HELB: variants seen among roughly 807,000 people sequenced by gnomAD.
HELB encodes DNA helicase B, also known as DNA 5'-3' helicase B.
Under a neutral mutation model 101.7 loss-of-function variants are expected in HELB, and 96 were observed. The ratio of observed to expected loss-of-function variants is 0.94; its 90% CI spans 0.80 to 1.12. The LOEUF (loss-of-function observed/expected upper bound fraction) is 1.12, where lower values mean the gene tolerates loss of function less well. Ranked by LOEUF, HELB falls within the 50% of genes most tolerant of loss-of-function variation. HELB has a pLI of 0.00. For missense variants in HELB, 1,210 were observed against 1,291.9 expected, an observed-to-expected ratio of 0.94 and a Z score of 0.97; for synonymous variants, 437 against 459.7, an observed-to-expected ratio of 0.95 and a Z score of 0.63.
intron 2 of HELB, among the ~76,000 whole-genome samples, chr12:66,305,470 G>A (rs2053463812): frequency 6.6e-6 from 1 of 152,166 alleles, no homozygotes; most frequent in Admixed American, 6.5e-5. Flanking sequence ...GGCCAGGTGT[G>A]GTAGCTGCTC....
At chr12:66,324,498 C>T (rs915641936) in intron 10 of HELB, 17 of 287,686 alleles carry the variant, frequency 5.9e-5, no homozygotes, top group Non-Finnish European at 1.1e-4. Context: ...TTAATAAAAT[C>T]GAAGTACTTG....
chr12:66,334,802 C>A (rs745551225), intron 12 of HELB, among the ~76,000 whole-genome samples: 42 of 147,598 alleles, frequency 2.8e-4, no homozygotes, highest in Non-Finnish European at 4.7e-4. Context: ...TAAATAAATA[C>A]ATACATACAA....
chr12:66,334,110 T>C (rs1343511019), intron 12 of HELB, among the ~76,000 whole-genome samples: 1 of 152,022 alleles, frequency 6.6e-6, no homozygotes, highest in African/African-American at 2.4e-5. Context: ...CAGTAAGCTG[T>C]GATTGCATCA....
intron 11 of HELB, among the ~76,000 whole-genome samples, chr12:66,328,910 A>G (rs1345505867): frequency 1.3e-5 from 2 of 152,190 alleles, no homozygotes; most frequent in South Asian, 2.1e-4. Flanking sequence ...TTTAAGCTGC[A>G]TATATGACTT....
In HELB at chr12:66,313,788, A is replaced by G. The variant is rs201832222; in HGVS notation, c.1681-198A>G. ...GAGGGAAGTGTTGAGATTTTGGAAC[A>G]ATCTGATTTTTTGTTTGTTTGTTTT... On this transcript the variant is annotated intron_variant, in intron 4 of 12. Transcript: ENST00000247815. Among the ~76,000 whole-genome samples, 3 of 152,164 alleles carry G rather than the reference A, an allele frequency of 2.0e-5. No homozygotes were observed. In the East Asian group the frequency reaches 5.8e-4, roughly 29 times the overall value.
intron 12 of HELB, among the ~76,000 whole-genome samples, chr12:66,335,276 A>AG (rs996414579): frequency 6.6e-6 from 1 of 152,194 alleles, no homozygotes; most frequent in African/African-American, 2.4e-5. Context: ...TGCAAGGACT[A>AG]GGTGAGTTAA....
chr12:66,339,345 T>TAGAGACAAGC (rs2053899517), downstream of HELB: 5 of 152,092 alleles, frequency 3.3e-5, no homozygotes, highest in Admixed American at 3.3e-4. Context: ...CTCACTATGT[T>TAGAGACAAGC]TCCCAGGTTG....
intron 8 of HELB, 140 bp from the exon 9 acceptor site, chr12:66,322,584 A>AT: frequency 4.1e-6 from 2 of 487,652 alleles, no homozygotes; most frequent in South Asian, 8.5e-5. Flanking sequence ...AAAAAAAAAG[A>AT]TAAAAAGTAG....
At position 66,331,560 on chromosome 12, in the gene HELB, A is replaced by G; in HGVS notation, c.3077A>G (p.Asp1026Gly). The part of the protein sequence containing the change: ...RWQLSSPDGV[D>G]TDDDLPKSRA... ...CAATTATCTTCACCTGATGGAGTAG[A>G]TACAGATGATGATTTACCAAAATCG... The change falls in exon 12 of 13, where the codon GAT becomes GGT. Residue 1026 changes from aspartate to glycine, a missense_variant. By Grantham distance (94) the Asp-to-Gly change is moderately conservative. Transcript: ENST00000247815. 1 of 1,613,930 alleles carries G rather than the reference A, an allele frequency of 6.2e-7. No homozygotes were observed. Among genetic ancestry groups the G allele is most frequent in the Non-Finnish European group, 8.5e-7 (1 of 1,180,016 alleles).
chr12:66,336,401 A>G (rs1004028431), intron 12 of HELB, among the ~76,000 whole-genome samples: 2 of 152,186 alleles, frequency 1.3e-5, no homozygotes, highest in African/African-American at 2.4e-5. Flanking sequence ...AAAAAGAAAA[A>G]AAAAGGTGGG....
intron 6 of HELB, among the ~76,000 whole-genome samples, chr12:66,317,018 C>CAAAA (rs35841295): frequency 3.7e-5 from 3 of 81,510 alleles, no homozygotes; most frequent in Admixed American, 1.5e-4. Context: ...GACTCCATCT[C>CAAAA]AAAAAAAAAA....
At chr12:66,335,099 G>A (rs2053852477) in intron 12 of HELB, among the ~76,000 whole-genome samples, 1 of 152,148 alleles carries the variant, frequency 6.6e-6, no homozygotes, top group Non-Finnish European at 1.5e-5. Flanking sequence ...AGGAGAACTC[G>A]TTTGGGGAAA....
At chr12:66,314,247 T>C in intron 5 of HELB, 84 bp downstream of exon 5, 2 of 1,208,896 alleles carry the variant, frequency 1.7e-6, no homozygotes, top group South Asian at 2.8e-5. Context: ...AGTTGGTTGT[T>C]TACACCAGAA....
chr12:66,324,634 CACTGAAA>C, intron 10 of HELB: 1 of 287,478 alleles, frequency 3.5e-6, no homozygotes, highest in Non-Finnish European at 6.7e-6. Flanking sequence ...TAGATACCCT[CACTGAAA>C]GCTGTGAGGA....
At position 66,324,212 on chromosome 12, in the gene HELB, G is replaced by A. The variant is rs771352527; in HGVS notation, c.2526+1G>A. On this transcript the variant is annotated splice_donor_variant, in intron 10 of 12. Transcript: ENST00000247815. LOFTEE classifies it high-confidence loss of function. ...TGGAGAGATATTTTTCATAACAAAT[G>A]TAAGTGAAAACAGAAGATAATATCT... 4 of 1,573,628 alleles carry A rather than the reference G, an allele frequency of 2.5e-6. No homozygotes were observed. The highest frequency in any genetic ancestry group is 3.3e-5 in the Admixed American group (2 of 59,864).
intron 5 of HELB, among the ~76,000 whole-genome samples, chr12:66,314,752 T>G (rs769825825): frequency 6.6e-6 from 1 of 152,200 alleles, no homozygotes; most frequent in Non-Finnish European, 1.5e-5. Flanking sequence ...GCCTTCTCTC[T>G]GCTTCCCCCA....
Position 66,331,213 on chromosome 12 carries a change from G to A in HELB, c.2730G>A (p.Gln910=), listed in dbSNP as rs780197039. 1.2e-6 allele frequency: 2 copies of A among 1,613,428 alleles called. No individual in the cohort carries two copies. The highest frequency in any genetic ancestry group is 2.2e-5 in the South Asian group (2 of 91,086). ...VVGKAGRQHW[Q]HVYTAVTRGR... ...GGAAGGCGGGCCGCCAGCACTGGCA[G>A]CATGTCTACACCGCCGTGACCAGGG... is the stretch of plus-strand genomic sequence containing the variant. The change falls in exon 12 of 13, where the codon CAG becomes CAA. Residue 910 remains glutamine (Q), a synonymous_variant. Transcript: ENST00000247815.
At chr12:66,322,565 CAAAA>C (rs58441074) in intron 8 of HELB, among the ~76,000 whole-genome samples, 155 bp from the exon 9 acceptor site, 20,957 of 125,508 alleles carry the variant, frequency 0.17, 4,179 homozygotes, top group African/African-American at 0.48. Flanking sequence ...GACGCTGTCT[CAAAA>C]AAAAAAAAAA....
intron 1 of HELB, among the ~76,000 whole-genome samples, chr12:66,304,124 G>A (rs1397030289): frequency 6.6e-6 from 1 of 152,192 alleles, no homozygotes; most frequent in Non-Finnish European, 1.5e-5. Flanking sequence ...AAAACCTAGA[G>A]AAATAAAATA....
Sources: gnomAD v4.1 joint callset for allele counts (sites outside exome capture counted in the v4.1 genomes callset) on GRCh38, gnomAD v4.1.1 for gene constraint, MANE v1.5 for transcripts, NCBI Gene and HGNC (gene_info 2026-07-23, HGNC 2026-07-21) for gene names.